The following TAFA1 variants were observed in gnomAD, a reference collection of about 807,000 sequenced individuals.
The protein encoded by TAFA1 is chemokine-like protein TAFA-1.
A neutral mutation model predicts 18.5 loss-of-function variants in TAFA1; 4 were observed. The ratio of observed to expected loss-of-function variants is 0.22; its 90% CI spans 0.11 to 0.49. The LOEUF (loss-of-function observed/expected upper bound fraction) is 0.49. TAFA1 is among the 20% of genes least tolerant of loss of function. The pLI is 0.98. For synonymous variants in TAFA1, 56 were observed against 55.2 expected (o/e 1.01, Z -0.06); for missense variants, 147 against 169.0 (o/e 0.87, Z 0.72).
intron 2 of TAFA1, among the ~76,000 whole-genome samples, chr3:68,069,136 T>G (rs1559724811): frequency 3.3e-5 from 5 of 152,200 alleles, no homozygotes; most frequent in African/African-American, 9.6e-5. Flanking sequence ...GTATGCACCA[T>G]AATAGATAAA....
chr3:68,108,580 G>T (rs1276145343), intron 2 of TAFA1, among the ~76,000 whole-genome samples: 1 of 151,944 alleles, frequency 6.6e-6, no homozygotes, highest in African/African-American at 2.4e-5. Flanking sequence ...AATGCCCTGG[G>T]ATTAAGGTTC....
chr3:68,060,218 G>A (rs981128389), intron 2 of TAFA1, among the ~76,000 whole-genome samples: 4 of 152,010 alleles, frequency 2.6e-5, no homozygotes, highest in Non-Finnish European at 5.9e-5. Context: ...GTGTGTGTGT[G>A]TGTGTCTTTC....
intron 3 of TAFA1, among the ~76,000 whole-genome samples, chr3:68,483,522 A>AT (rs1350126419): frequency 1.3e-5 from 2 of 152,186 alleles, no homozygotes; most frequent in East Asian, 1.9e-4. Flanking sequence ...CTTTAGAGGG[A>AT]TTTTTTGTCC....
chr3:68,358,694 G>A (rs564801464), intron 2 of TAFA1, among the ~76,000 whole-genome samples: 1 of 151,972 alleles, frequency 6.6e-6, no homozygotes, highest in South Asian at 2.1e-4. Context: ...AGTTTTTGCT[G>A]GTGAATAAAT....
chr3:68,043,972 C>T (rs1705219484), intron 2 of TAFA1, among the ~76,000 whole-genome samples: 1 of 152,050 alleles, frequency 6.6e-6, no homozygotes, highest in Non-Finnish European at 1.5e-5. Flanking sequence ...CCTAGAACCC[C>T]CTGCCCATTA....
rs568974024 is a variant in TAFA1, at chr3:68,082,470, G to A, written c.118+75726G>A. ...TTGCTGTCTGATAGACATGAGGTCA[G>A]GTCCTAAAATATAACATTTTCTAGC... On this transcript the variant is annotated intron_variant, in intron 2 of 4. Transcript: ENST00000478136. Among the ~76,000 whole-genome samples the A allele has an allele frequency of 4.6e-5, 7 of 152,296 alleles. No homozygotes were observed. In the South Asian group the frequency reaches 1.5e-3, roughly 32 times the overall value.
chr3:68,277,901 A>G (rs2067825533), intron 2 of TAFA1, among the ~76,000 whole-genome samples: 1 of 152,192 alleles, frequency 6.6e-6, no homozygotes, highest in Non-Finnish European at 1.5e-5. Flanking sequence ...TCATTTAGAA[A>G]TAATTGTACA....
chr3:68,151,408 C>T (rs1408715481), intron 2 of TAFA1, among the ~76,000 whole-genome samples: 1 of 152,122 alleles, frequency 6.6e-6, no homozygotes, highest in Non-Finnish European at 1.5e-5. Flanking sequence ...ATTTATTAGG[C>T]TAAATATCTT....
At chr3:68,339,528 A>C (rs932460579) in intron 2 of TAFA1, among the ~76,000 whole-genome samples, 1 of 152,328 alleles carries the variant, frequency 6.6e-6, no homozygotes, top group Non-Finnish European at 1.5e-5. Flanking sequence ...AAACAGAGGC[A>C]ATCTGTGTAT....
intron 3 of TAFA1, among the ~76,000 whole-genome samples, chr3:68,438,348 C>A (rs1024902189): frequency 2.6e-5 from 4 of 152,072 alleles, no homozygotes; most frequent in African/African-American, 9.7e-5. Context: ...CAGAGTGAGA[C>A]CTTGTCTCAG....
At chr3:68,052,739 A>T (rs762862129) in intron 2 of TAFA1, among the ~76,000 whole-genome samples, 1 of 152,304 alleles carries the variant, frequency 6.6e-6, no homozygotes, top group East Asian at 1.9e-4. Context: ...AACATCCTCT[A>T]TCTGACTCAC....
intron 2 of TAFA1, among the ~76,000 whole-genome samples, chr3:68,337,266 T>C (rs941814237): frequency 3.3e-5 from 5 of 152,062 alleles, no homozygotes; most frequent in East Asian, 3.9e-4. Flanking sequence ...GCAAGTCCTA[T>C]GTGGCTGGAG....
At chr3:68,391,993 A>G (rs559218128) in intron 2 of TAFA1, among the ~76,000 whole-genome samples, 1 of 152,286 alleles carries the variant, frequency 6.6e-6, no homozygotes, top group South Asian at 2.1e-4. Flanking sequence ...TGACAGGACC[A>G]AATTCACACA....
chr3:68,329,844 A>G (rs1177177115), intron 2 of TAFA1, among the ~76,000 whole-genome samples: 1 of 152,188 alleles, frequency 6.6e-6, no homozygotes, highest in East Asian at 1.9e-4. Context: ...GGGTTTTCAT[A>G]CCTTATTAAT....
chr3:68,196,644 T>C (rs183697561), intron 2 of TAFA1, among the ~76,000 whole-genome samples: 58 of 151,898 alleles, frequency 3.8e-4, no homozygotes, highest in African/African-American at 1.3e-3. Flanking sequence ...TTTTCTGTGT[T>C]ATATTTCATT....
chr3:68,462,352 C>T (rs1361276175), intron 3 of TAFA1, among the ~76,000 whole-genome samples: 1 of 152,070 alleles, frequency 6.6e-6, no homozygotes, highest in African/African-American at 2.4e-5. Context: ...GTGCTGTTCT[C>T]ATGATAGTAA....
intron 2 of TAFA1, among the ~76,000 whole-genome samples, chr3:68,274,669 C>T (rs1414944171): frequency 1.3e-5 from 2 of 152,150 alleles, no homozygotes; most frequent in Non-Finnish European, 2.9e-5. Context: ...CAAGATTTCA[C>T]AAAAGTAGTG....
At chr3:68,016,747 G>C (rs1213795156) in intron 2 of TAFA1, among the ~76,000 whole-genome samples, 1 of 152,146 alleles carries the variant, frequency 6.6e-6, no homozygotes, top group Non-Finnish European at 1.5e-5. Flanking sequence ...GTATGGTGAT[G>C]TATGGTGACA....
At chr3:68,514,625 T>C (rs2072895051) in intron 3 of TAFA1, among the ~76,000 whole-genome samples, 1 of 152,072 alleles carries the variant, frequency 6.6e-6, no homozygotes, top group South Asian at 2.1e-4. Context: ...TTCTTCTACA[T>C]TGGGTTCCAT....
Sources: allele counts gnomAD v4.1 joint callset (sites outside exome capture counted in the v4.1 genomes callset), GRCh38; gene constraint gnomAD v4.1.1; transcripts MANE v1.5; gene names NCBI Gene and HGNC (gene_info 2026-07-23, HGNC 2026-07-21).